Variants in GBE1 observed in about 807,000 individuals in gnomAD.
GBE1 encodes the protein 1,4-alpha-glucan branching enzyme 1.
GBE1 carries 70 observed loss-of-function variants against 88.8 expected under a neutral mutation model. That is an observed-to-expected ratio of 0.79 (90% confidence interval 0.65 to 0.96). The LOEUF (loss-of-function observed/expected upper bound fraction) is 0.96. Ranked by LOEUF, GBE1 falls within the 40% of genes least tolerant of loss-of-function variation. GBE1 has a pLI of 0.00. For synonymous variants in GBE1, 284 were observed against 300.1 expected (o/e 0.95, Z 0.56); for missense variants, 872 against 871.0 (o/e 1.00, Z -0.01).
chr3:81,651,917 CA>C (rs1460487033), intron 3 of GBE1, among the ~76,000 whole-genome samples: 1 of 152,212 alleles, frequency 6.6e-6, no homozygotes, highest in Non-Finnish European at 1.5e-5. Flanking sequence ...TTGCTGTACA[CA>C]CAAATGTCTC....
intron 15 of GBE1, among the ~76,000 whole-genome samples, chr3:81,496,242 T>C (rs1311522677): frequency 6.6e-6 from 1 of 152,232 alleles, no homozygotes; most frequent in African/African-American, 2.4e-5. Context: ...ACTCTGACCT[T>C]AGCAAATACA....
chr3:81,684,005 G>T (rs1705395868), intron 2 of GBE1, among the ~76,000 whole-genome samples: 1 of 152,176 alleles, frequency 6.6e-6, no homozygotes. Flanking sequence ...GGAAGACTTG[G>T]TGACACTGAT....
intron 7 of GBE1, among the ~76,000 whole-genome samples, chr3:81,625,776 C>T (rs7642112): frequency 0.29 from 43,952 of 151,876 alleles, 6,565 homozygotes; most frequent in East Asian, 0.44. Flanking sequence ...TATCTTCTTT[C>T]AAATATCACA....
rs551241699 is a variant in GBE1, at chr3:81,746,723, T to C, written c.143+14652A>G. Among the ~76,000 whole-genome samples, 15 of 151,822 alleles carry C rather than the reference T, an allele frequency of 9.9e-5. No individual in the cohort carries two copies. In the South Asian group the frequency reaches 2.9e-3, roughly 29 times the overall value. On this transcript the variant is annotated intron_variant, in intron 1 of 15. Coordinates refer to ENST00000429644, the MANE Select transcript of GBE1 (RefSeq NM_000158.4). The stretch of plus-strand genomic sequence containing the variant: ...TCAATAATGTGACACGACAGAAAAA[T>C]ATGAAAATCAAAAACTGAAAAGAAA...
At chr3:81,738,680 CG>C (rs1208389376) in intron 1 of GBE1, among the ~76,000 whole-genome samples, 1 of 152,028 alleles carries the variant, frequency 6.6e-6, no homozygotes, top group East Asian at 1.9e-4. Context: ...TTTTATTTTC[CG>C]TATCTCCTAA....
chr3:81,597,772 C>A (rs754770022), intron 7 of GBE1, among the ~76,000 whole-genome samples: 3 of 151,630 alleles, frequency 2.0e-5, no homozygotes, highest in African/African-American at 7.3e-5. Context: ...AATATAGAAA[C>A]TGAATACATC....
At chr3:81,518,573 C>T (rs1287364480) in intron 14 of GBE1, among the ~76,000 whole-genome samples, 1 of 151,118 alleles carries the variant, frequency 6.6e-6, no homozygotes, top group Non-Finnish European at 1.5e-5. Context: ...CTTTTTATGA[C>T]CAGGGAGGTG....
intron 1 of GBE1, among the ~76,000 whole-genome samples, chr3:81,759,653 A>C (rs1706652468): frequency 6.6e-6 from 1 of 152,228 alleles, no homozygotes; most frequent in Non-Finnish European, 1.5e-5. Flanking sequence ...AGAGTGAGGC[A>C]TGAGGGCCCA....
chr3:81,612,312 G>A, intron 7 of GBE1: 1 of 776,122 alleles, frequency 1.3e-6, no homozygotes, highest in Non-Finnish European at 2.0e-6. Context: ...TGACTTTAAT[G>A]TTTCGTCAAA....
At chr3:81,504,987 T>C (rs776814260) in intron 14 of GBE1, among the ~76,000 whole-genome samples, 13 of 152,192 alleles carry the variant, frequency 8.5e-5, no homozygotes, top group Non-Finnish European at 1.5e-4. Context: ...ACTAGACGAC[T>C]ATAACGATGG....
At chr3:81,554,894 C>G (rs891278425) in intron 12 of GBE1, among the ~76,000 whole-genome samples, 7 of 152,128 alleles carry the variant, frequency 4.6e-5, no homozygotes, top group Non-Finnish European at 8.8e-5. Context: ...CTGCTTATAA[C>G]TTAATCAAAG....
chr3:81,712,779 C>T (rs1705887633), intron 1 of GBE1, among the ~76,000 whole-genome samples: 1 of 151,718 alleles, frequency 6.6e-6, no homozygotes. Context: ...CACATATACC[C>T]TAGAACTTAA....
chr3:81,555,628 C>T (rs11922101), intron 12 of GBE1, among the ~76,000 whole-genome samples: 9,742 of 152,202 alleles, frequency 0.064, 527 homozygotes, highest in African/African-American at 0.14. Context: ...TATGCAGACC[C>T]TGCTTCAAAG....
intron 1 of GBE1, among the ~76,000 whole-genome samples, chr3:81,747,950 C>A (rs1015391376): frequency 2.6e-4 from 39 of 152,174 alleles, no homozygotes; most frequent in African/African-American, 9.2e-4. Flanking sequence ...TCACACAAAG[C>A]CTGTTTGGTG....
intron 15 of GBE1, among the ~76,000 whole-genome samples, chr3:81,498,908 A>G (rs545108342): frequency 2.0e-5 from 3 of 152,212 alleles, no homozygotes; most frequent in African/African-American, 7.2e-5. Flanking sequence ...TGTCCCCTAA[A>G]TATCCTTTAC....
chr3:81,677,424 A>C (rs371186681), intron 2 of GBE1, among the ~76,000 whole-genome samples: 16 of 152,304 alleles, frequency 1.1e-4, no homozygotes, highest in African/African-American at 3.8e-4. Context: ...GAATATCACC[A>C]CTTTGGAGCA....
At chr3:81,703,632 A>G (rs1705733012) in intron 2 of GBE1, among the ~76,000 whole-genome samples, 1 of 152,032 alleles carries the variant, frequency 6.6e-6, no homozygotes, top group Non-Finnish European at 1.5e-5. Context: ...GTATATGAAC[A>G]TACTTTTAAA....
At chr3:81,553,913 A>G (rs571997913) in intron 12 of GBE1, among the ~76,000 whole-genome samples, 80 of 152,220 alleles carry the variant, frequency 5.3e-4, no homozygotes, top group African/African-American at 1.8e-3. Context: ...CCTATATGCC[A>G]TTTTTTGGCA....
At chr3:81,511,599 A>G (rs1702726048) in intron 14 of GBE1, among the ~76,000 whole-genome samples, 1 of 152,068 alleles carries the variant, frequency 6.6e-6, no homozygotes, top group Admixed American at 6.6e-5. Context: ...AACATCACTA[A>G]TTATTAGAGA....
Sources: gnomAD v4.1 joint callset for allele counts (sites outside exome capture counted in the v4.1 genomes callset) on GRCh38, gnomAD v4.1.1 for gene constraint, MANE v1.5 for transcripts, NCBI Gene and HGNC (gene_info 2026-07-23, HGNC 2026-07-21) for gene names.